NBAS: variants seen among roughly 807,000 people sequenced by gnomAD.
The protein encoded by NBAS is NAG/BC035112 fusion.
In NBAS, 219 loss-of-function variants were observed where a neutral mutation model predicts 302.5. The ratio of observed to expected loss-of-function variants is 0.72; its 90% CI spans 0.65 to 0.81. NBAS has a LOEUF of 0.81. Among genes scored for constraint, NBAS ranks in the 30% least tolerant of loss-of-function variants. The pLI is 0.00. For missense variants in NBAS, 2,932 were observed against 2,841.6 expected (o/e 1.03, Z -0.72); for synonymous variants, 1,118 against 1,021.6 (o/e 1.09, Z -1.80).
At chr2:15,383,576 C>G (rs1675148113) in intron 28 of NBAS, among the ~76,000 whole-genome samples, 1 of 152,032 alleles carries the variant, frequency 6.6e-6, no homozygotes, top group African/African-American at 2.4e-5. Flanking sequence ...TGAGCAGACA[C>G]AGGCTGGAAT....
At chr2:15,440,632 A>T (rs988460988) in intron 21 of NBAS, among the ~76,000 whole-genome samples, 1 of 152,254 alleles carries the variant, frequency 6.6e-6, no homozygotes, top group East Asian at 1.9e-4. Context: ...GCAGTTCCTC[A>T]CCAGCAATGG....
At chr2:15,125,426 T>C in the NBAS span, among the ~76,000 whole-genome samples, 1 of 152,108 alleles carries the variant, frequency 6.6e-6, no homozygotes, top group African/African-American at 2.4e-5. Context: ...CACAAGAACT[T>C]ACTCACTATC....
chr2:14,822,232 T>C, the NBAS span, among the ~76,000 whole-genome samples: 1 of 152,110 alleles, frequency 6.6e-6, no homozygotes, highest in Admixed American at 6.5e-5. Flanking sequence ...TTTTTTCTTG[T>C]TTTTACTATT....
At chr2:15,289,905 G>A (rs768212984) in intron 41 of NBAS, among the ~76,000 whole-genome samples, 1 of 152,258 alleles carries the variant, frequency 6.6e-6, no homozygotes, top group Admixed American at 6.5e-5. Flanking sequence ...GTTGAGGCAG[G>A]ATAATCACTT....
At chr2:14,880,074 A>G in the NBAS span, among the ~76,000 whole-genome samples, 1 of 152,190 alleles carries the variant, frequency 6.6e-6, no homozygotes, top group Non-Finnish European at 1.5e-5. Flanking sequence ...CAGTGAGGAT[A>G]AAGAAAGAAG....
At chr2:15,536,129 C>T (rs894465480) in intron 8 of NBAS, among the ~76,000 whole-genome samples, 1 of 152,124 alleles carries the variant, frequency 6.6e-6, no homozygotes, top group African/African-American at 2.4e-5. Context: ...AATATGCATG[C>T]TAAAGCATTT....
chr2:15,278,062 C>A (rs1040899063), intron 42 of NBAS, among the ~76,000 whole-genome samples: 1 of 152,086 alleles, frequency 6.6e-6, no homozygotes, highest in African/African-American at 2.4e-5. Context: ...CAAAGTTAGG[C>A]TTCAAAAAGT....
the NBAS span, among the ~76,000 whole-genome samples, chr2:14,903,790 C>T: frequency 1.3e-5 from 2 of 152,098 alleles, no homozygotes; most frequent in Non-Finnish European, 2.9e-5. Flanking sequence ...TGCCTTTTTA[C>T]AGCTGAGAAA....
At chr2:14,887,416 G>A in the NBAS span, among the ~76,000 whole-genome samples, 39 of 111,108 alleles carry the variant, frequency 3.5e-4, no homozygotes, top group African/African-American at 1.2e-3. Flanking sequence ...AAAAAAAAAA[G>A]ATAGAGGCTC....
intron 41 of NBAS, among the ~76,000 whole-genome samples, chr2:15,288,730 G>A (rs556326513): frequency 6.6e-6 from 1 of 152,344 alleles, no homozygotes; most frequent in Admixed American, 6.5e-5. Flanking sequence ...GAAGAATGGT[G>A]TGGGTGAAAG....
At chr2:15,210,088 C>T (rs1036402704) in intron 48 of NBAS, among the ~76,000 whole-genome samples, 1 of 152,022 alleles carries the variant, frequency 6.6e-6, no homozygotes, top group Non-Finnish European at 1.5e-5. Flanking sequence ...AGTAATACCC[C>T]ACAAGCACAG....
At position 15,192,819 on chromosome 2, in the gene NBAS, T is replaced by C. The variant is rs527817337; in HGVS notation, c.6433-2416A>G. On this transcript the variant is annotated intron_variant, in intron 48 of 51. Coordinates refer to ENST00000281513, the MANE Select transcript of NBAS (RefSeq NM_015909.4). The stretch of plus-strand genomic sequence containing the variant: ...CCAACTACTATAATTAAATGCAGCA[T>C]AGTTAGTAACAAGTAGTTTCTCCTT... 3.3e-5 allele frequency among the ~76,000 whole-genome samples: 5 copies of C among 152,306 alleles called. No individual in the cohort carries two copies. In the South Asian group the frequency reaches 1.0e-3, roughly 32 times the overall value.
chr2:15,387,572 G>C (rs1286105404), intron 28 of NBAS, among the ~76,000 whole-genome samples: 1 of 151,870 alleles, frequency 6.6e-6, no homozygotes, highest in African/African-American at 2.4e-5. Context: ...GAAATGAGTA[G>C]CTAAAAATTA....
the NBAS span, chr2:14,890,851 C>CAAA: frequency 7.2e-6 from 1 of 138,336 alleles, no homozygotes; most frequent in Non-Finnish European, 1.5e-5. Flanking sequence ...AAACAAACAA[C>CAAA]AACAAAAAAA....
At chr2:15,223,935 T>G (rs1667057237) in intron 47 of NBAS, among the ~76,000 whole-genome samples, 1 of 152,082 alleles carries the variant, frequency 6.6e-6, no homozygotes, top group African/African-American at 2.4e-5. Flanking sequence ...ATAATGAGAT[T>G]GGGGAGGGGA....
At chr2:15,318,828 T>C (rs1391380715) in intron 38 of NBAS, among the ~76,000 whole-genome samples, 1 of 152,126 alleles carries the variant, frequency 6.6e-6, no homozygotes, top group East Asian at 1.9e-4. Flanking sequence ...CTGTCAATAT[T>C]AGACAGATCA....
At chr2:14,932,153 C>A in the NBAS span, among the ~76,000 whole-genome samples, 1 of 152,210 alleles carries the variant, frequency 6.6e-6, no homozygotes, top group African/African-American at 2.4e-5. Flanking sequence ...GGTAAAGCTT[C>A]ACAGGAGCAC....
chr2:15,389,866 T>A (rs1389915114), intron 28 of NBAS, among the ~76,000 whole-genome samples: 1 of 152,198 alleles, frequency 6.6e-6, no homozygotes, highest in East Asian at 1.9e-4. Context: ...TACCCCAGTT[T>A]ACTGTCTTGA....
chr2:14,913,615 G>A, the NBAS span, among the ~76,000 whole-genome samples: 1 of 152,146 alleles, frequency 6.6e-6, no homozygotes, highest in South Asian at 2.1e-4. Flanking sequence ...TTTAAGCAAA[G>A]GAGGAATGTG....
Sources: gnomAD v4.1 joint callset for allele counts (sites outside exome capture counted in the v4.1 genomes callset) on GRCh38, gnomAD v4.1.1 for gene constraint, MANE v1.5 for transcripts, NCBI Gene and HGNC (gene_info 2026-07-23, HGNC 2026-07-21) for gene names.